Variants in PRKCQ observed in about 807,000 individuals in gnomAD.
PRKCQ encodes the protein protein kinase C theta type.
Under a neutral mutation model 91.2 loss-of-function variants are expected in PRKCQ, and 41 were observed. The observed-to-expected ratio is 0.45, with a 90% CI of 0.35 to 0.58. The LOEUF (loss-of-function observed/expected upper bound fraction) is 0.58, where lower values mean the gene tolerates loss of function less well. Ranked by LOEUF, PRKCQ falls within the 20% of genes least tolerant of loss-of-function variation. PRKCQ has a pLI of 0.00. For synonymous variants in PRKCQ, 307 were observed against 316.9 expected, an observed-to-expected ratio of 0.97 and a Z score of 0.33; for missense variants, 673 against 896.5, an observed-to-expected ratio of 0.75 and a Z score of 3.18.
chr10:6,441,046 C>A (rs1833946299), intron 16 of PRKCQ, among the ~76,000 whole-genome samples: 1 of 152,136 alleles, frequency 6.6e-6, no homozygotes, highest in Non-Finnish European at 1.5e-5. Flanking sequence ...AATTTCCCCA[C>A]TGAGACAGTG....
At chr10:6,467,243 C>T (rs1394141207) in intron 12 of PRKCQ, among the ~76,000 whole-genome samples, 1 of 151,852 alleles carries the variant, frequency 6.6e-6, no homozygotes, top group Non-Finnish European at 1.5e-5. Flanking sequence ...AGATTCCCTC[C>T]TGGGCTGCCG....
chr10:6,580,106 C>G (rs1841412368), intron 1 of PRKCQ, 105 bp downstream of exon 1: 2 of 152,270 alleles, frequency 1.3e-5, no homozygotes, highest in Admixed American at 6.5e-5. Flanking sequence ...AGCCCTCACC[C>G]CTTCCCGGAG....
At chr10:6,493,558 C>G (rs1837436162) in intron 7 of PRKCQ, among the ~76,000 whole-genome samples, 1 of 152,190 alleles carries the variant, frequency 6.6e-6, no homozygotes, top group South Asian at 2.1e-4. Flanking sequence ...AAGATAATAT[C>G]ACAGACATTT....
the PRKCQ span, among the ~76,000 whole-genome samples, chr10:6,395,842 G>A: frequency 6.6e-6 from 1 of 152,100 alleles, no homozygotes; most frequent in Non-Finnish European, 1.5e-5. Context: ...GGTCCTGACC[G>A]TCAGTGCCCT....
chr10:6,525,146 T>C (rs2130888181), intron 1 of PRKCQ, among the ~76,000 whole-genome samples: 2 of 148,482 alleles, frequency 1.3e-5, no homozygotes, highest in Non-Finnish European at 1.5e-5. Flanking sequence ...TTATTTTAAG[T>C]TCTTTTTTTT....
the PRKCQ span, among the ~76,000 whole-genome samples, chr10:6,415,944 A>G: frequency 6.6e-6 from 1 of 151,796 alleles, no homozygotes; most frequent in Non-Finnish European, 1.5e-5. Context: ...ATGGGGTTTC[A>G]CTATATTGGC....
the PRKCQ span, among the ~76,000 whole-genome samples, chr10:6,411,797 G>A: frequency 8.0e-3 from 1,213 of 152,258 alleles, 18 homozygotes; most frequent in African/African-American, 0.028. Context: ...TCACCTGAGG[G>A]CCACATCTTA....
At chr10:6,503,950 A>C (rs1838053038) in intron 4 of PRKCQ, among the ~76,000 whole-genome samples, 1 of 151,782 alleles carries the variant, frequency 6.6e-6, no homozygotes. Flanking sequence ...GTAATTTTTA[A>C]ATTTTCTTGT....
At chr10:6,435,150 T>C (rs1437748778) in intron 16 of PRKCQ, among the ~76,000 whole-genome samples, 2 of 152,186 alleles carry the variant, frequency 1.3e-5, no homozygotes, top group Non-Finnish European at 2.9e-5. Context: ...TGGACAGCAG[T>C]GTCCCCACTG....
Position 6,497,384 on chromosome 10 carries a change from C to G in PRKCQ, c.543-133G>C. ...TTTCTGATCAGCAGCCCTGTTGTAT[C>G]ATTTGCCAAGAGTATTAACAGAGTG... On this transcript the variant is annotated intron_variant, in intron 5 of 17. Coordinates refer to ENST00000263125, the MANE Select transcript of PRKCQ (RefSeq NM_006257.5). This position sits in a 1 kb window ranked among gnomAD's most constrained non-coding sequence, Gnocchi z 4.5. 1.9e-6 allele frequency: 2 copies of G among 1,050,838 alleles called. No individual in the cohort carries two copies. The highest frequency in any genetic ancestry group is 2.9e-6 in the Non-Finnish European group (2 of 686,902). The allele number at this position is 1,050,838 out of a possible 1,614,324, so 65.1% of individuals were successfully genotyped here.
At chr10:6,451,482 G>A (rs1031272204) in intron 15 of PRKCQ, among the ~76,000 whole-genome samples, 11 of 152,062 alleles carry the variant, frequency 7.2e-5, no homozygotes, top group South Asian at 2.1e-4. Flanking sequence ...ATCCACAGCC[G>A]AATTCTACCA....
intron 12 of PRKCQ, among the ~76,000 whole-genome samples, chr10:6,472,675 T>C (rs1836052424): frequency 6.6e-6 from 1 of 152,218 alleles, no homozygotes; most frequent in Non-Finnish European, 1.5e-5. Context: ...TAGAGAGAAT[T>C]AAACAATTGT....
At chr10:6,451,829 C>T (rs193072670) in intron 15 of PRKCQ, among the ~76,000 whole-genome samples, 43 of 152,220 alleles carry the variant, frequency 2.8e-4, no homozygotes, top group Non-Finnish European at 3.8e-4. Flanking sequence ...ACAAAAACCA[C>T]ATGATTACTC....
intron 8 of PRKCQ, among the ~76,000 whole-genome samples, chr10:6,488,728 C>T (rs1336537701): frequency 1.3e-5 from 2 of 152,110 alleles, no homozygotes; most frequent in Admixed American, 6.6e-5. Flanking sequence ...ATAGATATAG[C>T]CAGAAAAATT....
Position 6,555,133 on chromosome 10 carries a change from GGA to G in PRKCQ, c.-10+25076_-10+25077del, listed in dbSNP as rs1177362622. Among the ~76,000 whole-genome samples, 227 of 152,164 alleles carry G rather than the reference GGA, an allele frequency of 1.5e-3. 1 individual carries two copies. The highest frequency in any genetic ancestry group is 5.3e-3 in the African/African-American group (221 of 41,514). On this transcript the variant is annotated intron_variant, in intron 1 of 17. Coordinates refer to ENST00000263125, the MANE Select transcript of PRKCQ (RefSeq NM_006257.5). ...TAGATACTGGGGACAAGTAAAGGTG[GGA>G]GGGGGGGGGTCTAGGGTTGAAAAAC...
At chr10:6,482,306 GA>G (rs1836646219) in intron 11 of PRKCQ, among the ~76,000 whole-genome samples, 1 of 152,142 alleles carries the variant, frequency 6.6e-6, no homozygotes. Flanking sequence ...TTCACAAGAA[GA>G]GAAAATTTAA....
intron 12 of PRKCQ, among the ~76,000 whole-genome samples, chr10:6,476,563 T>C (rs1174547192): frequency 2.6e-5 from 4 of 152,262 alleles, no homozygotes. Context: ...AACAACATTC[T>C]GTATTGATGT....
chr10:6,507,722 A>G (rs547335989), intron 3 of PRKCQ, among the ~76,000 whole-genome samples: 3 of 152,344 alleles, frequency 2.0e-5, no homozygotes, highest in African/African-American at 7.2e-5. Flanking sequence ...TTTGGAGAGA[A>G]AAACTTACAT....
chr10:6,407,400 A>G, the PRKCQ span, among the ~76,000 whole-genome samples: 1 of 151,440 alleles, frequency 6.6e-6, no homozygotes, highest in Non-Finnish European at 1.5e-5. The surrounding 1 kb of genome is among the most constrained non-coding windows in gnomAD (Gnocchi z 4.0). Context: ...TGTCGGGCCC[A>G]GAAGCAAGCA....
Sources: allele counts gnomAD v4.1 joint callset (sites outside exome capture counted in the v4.1 genomes callset), GRCh38; gene constraint gnomAD v4.1.1; non-coding constraint Gnocchi (gnomAD v3.1); transcripts MANE v1.5; gene names NCBI Gene and HGNC (gene_info 2026-07-23, HGNC 2026-07-21).